Variants in CDK19 observed in about 807,000 individuals in gnomAD.
CDK19 encodes cyclin dependent kinase 19.
Under a neutral mutation model 68.3 loss-of-function variants are expected in CDK19, and 20 were observed. The observed-to-expected ratio is 0.29, with a 90% CI of 0.21 to 0.43. The LOEUF is 0.43. CDK19 is among the 20% of genes least tolerant of loss of function. The pLI is 1.00. For missense variants in CDK19, 339 were observed against 623.5 expected, an observed-to-expected ratio of 0.54 and a Z score of 4.86; for synonymous variants, 221 against 222.8, an observed-to-expected ratio of 0.99 and a Z score of 0.07.
At chr6:110,803,792 C>A (rs1030344680) in intron 1 of CDK19, among the ~76,000 whole-genome samples, 1 of 152,062 alleles carries the variant, frequency 6.6e-6, no homozygotes, top group Non-Finnish European at 1.5e-5. Context: ...ATGGAAAAAT[C>A]CACTGTCTCT....
chr6:110,646,332 G>C (rs1780573176), intron 4 of CDK19: 2 of 1,474,722 alleles, frequency 1.4e-6, no homozygotes, highest in Non-Finnish European at 1.8e-6. Context: ...ACGGGCCCAC[G>C]ACGGCATGCA....
intron 6 of CDK19, among the ~76,000 whole-genome samples, chr6:110,631,010 G>T: frequency 6.6e-6 from 1 of 152,144 alleles, no homozygotes; most frequent in East Asian, 1.9e-4. Context: ...TTCCAAGTGT[G>T]AGAGTTTCCT....
At chr6:110,760,574 C>G (rs1779166012) in intron 1 of CDK19, among the ~76,000 whole-genome samples, 1 of 151,758 alleles carries the variant, frequency 6.6e-6, no homozygotes, top group African/African-American at 2.4e-5. Context: ...CAAAAAAATA[C>G]AAAAATGAGT....
chr6:110,676,556 T>G (rs1771554537), intron 2 of CDK19, among the ~76,000 whole-genome samples: 1 of 152,166 alleles, frequency 6.6e-6, no homozygotes, highest in Non-Finnish European at 1.5e-5. Context: ...TGTCTTACTT[T>G]AAGAAATTGC....
At chr6:110,807,839 G>C in intron 1 of CDK19, among the ~76,000 whole-genome samples, 1 of 145,660 alleles carries the variant, frequency 6.9e-6, no homozygotes, top group East Asian at 2.0e-4. Context: ...AGAGAGTCTC[G>C]TTCTGCTGCC....
intron 1 of CDK19, among the ~76,000 whole-genome samples, chr6:110,774,296 C>G (rs578097737): frequency 1.5e-3 from 212 of 144,188 alleles, no homozygotes; most frequent in African/African-American, 4.9e-3. Flanking sequence ...ATGCAGTAGT[C>G]CCCCCTTATC....
At chr6:110,685,208 ATCAT>A (rs1234566166) in intron 2 of CDK19, among the ~76,000 whole-genome samples, 2 of 152,206 alleles carry the variant, frequency 1.3e-5, no homozygotes, top group East Asian at 1.9e-4. Flanking sequence ...CTTCTTAAAT[ATCAT>A]TCATTAATTC....
intron 4 of CDK19, among the ~76,000 whole-genome samples, chr6:110,640,638 A>C (rs1405525524): frequency 6.6e-6 from 1 of 152,190 alleles, no homozygotes; most frequent in Non-Finnish European, 1.5e-5. Context: ...AACAATAAAG[A>C]GAAGGCGACA....
chr6:110,646,669 A>C, intron 4 of CDK19: 1 of 486,424 alleles, frequency 2.1e-6, no homozygotes, highest in African/African-American at 2.0e-5. Flanking sequence ...TGGCTTTGCT[A>C]TATGTCTCTC....
chr6:110,791,222 A>T (rs939320468), intron 1 of CDK19, among the ~76,000 whole-genome samples: 6 of 151,968 alleles, frequency 3.9e-5, no homozygotes, highest in African/African-American at 1.4e-4. Context: ...AAAATGTAGA[A>T]CACTGGTTCT....
At chr6:110,774,272 G>T (rs79672211) in intron 1 of CDK19, among the ~76,000 whole-genome samples, 1,945 of 152,256 alleles carry the variant, frequency 0.013, 42 homozygotes, top group African/African-American at 0.045. Flanking sequence ...TAAATTATGT[G>T]AGAGCCAATA....
chr6:110,666,485 T>C (rs1420746085), intron 4 of CDK19, among the ~76,000 whole-genome samples: 1 of 134,694 alleles, frequency 7.4e-6, no homozygotes, highest in African/African-American at 2.8e-5. Context: ...ATTAATATGG[T>C]AAATGCATCT....
intron 4 of CDK19, among the ~76,000 whole-genome samples, chr6:110,639,823 T>A (rs1441839192): frequency 6.6e-6 from 1 of 152,088 alleles, no homozygotes; most frequent in Non-Finnish European, 1.5e-5. Flanking sequence ...TAGACGGATA[T>A]GAAAATGAAC....
chr6:110,759,196 C>T (rs1055711977), intron 1 of CDK19, among the ~76,000 whole-genome samples: 4 of 150,440 alleles, frequency 2.7e-5, no homozygotes, highest in Non-Finnish European at 5.9e-5. Context: ...GTCAGGAGAT[C>T]GAGACCATTC....
At chr6:110,638,732 AT>A in intron 4 of CDK19, 26 bp from the exon 5 acceptor site, 1 of 1,288,222 alleles carries the variant, frequency 7.8e-7, no homozygotes, top group Non-Finnish European at 1.1e-6. Context: ...GAGCATTCAA[AT>A]TACCATGTTT....
chr6:110,773,748 T>C (rs931427414), intron 1 of CDK19: 3 of 152,188 alleles, frequency 2.0e-5, no homozygotes, highest in Non-Finnish European at 2.9e-5. Context: ...TTAAATTTTA[T>C]GAAAGTGAAT....
At chr6:110,715,300 T>C (rs929630740) in intron 2 of CDK19, among the ~76,000 whole-genome samples, 1 of 152,198 alleles carries the variant, frequency 6.6e-6, no homozygotes, top group African/African-American at 2.4e-5. Flanking sequence ...GACAACATTA[T>C]GCTAATAGAC....
chr6:110,739,110 T>C (rs1462830121), intron 2 of CDK19, among the ~76,000 whole-genome samples: 1 of 152,184 alleles, frequency 6.6e-6, no homozygotes, highest in Non-Finnish European at 1.5e-5. Flanking sequence ...TCCCTATTTC[T>C]CTTCCCTCCT....
At chr6:110,773,657 G>C (rs1385750056) in intron 1 of CDK19, among the ~76,000 whole-genome samples, 1 of 152,054 alleles carries the variant, frequency 6.6e-6, no homozygotes, top group Non-Finnish European at 1.5e-5. Flanking sequence ...GAAATTTAGA[G>C]TCTTTAGTTC....
Sources: gnomAD v4.1 joint callset for allele counts (sites outside exome capture counted in the v4.1 genomes callset) on GRCh38, gnomAD v4.1.1 for gene constraint, MANE v1.5 for transcripts, NCBI Gene and HGNC (gene_info 2026-07-23, HGNC 2026-07-21) for gene names.